RBFOX1: variants seen among roughly 807,000 people sequenced by gnomAD.
RBFOX1 encodes RNA binding protein fox-1 homolog 1.
In RBFOX1, 8 loss-of-function variants were observed where a neutral mutation model predicts 57.7. The ratio of observed to expected loss-of-function variants is 0.14; its 90% CI spans 0.08 to 0.25. The LOEUF (loss-of-function observed/expected upper bound fraction) is 0.25. Ranked by LOEUF, RBFOX1 falls within the 10% of genes least tolerant of loss-of-function variation. RBFOX1 has a pLI of 1.00. For synonymous variants in RBFOX1, 326 were observed against 222.4 expected (o/e 1.47, Z -4.15); for missense variants, 611 against 548.5 (o/e 1.11, Z -1.14).
chr16:7,464,774 T>G (rs1351042560), intron 4 of RBFOX1, among the ~76,000 whole-genome samples: 1 of 134,112 alleles, frequency 7.5e-6, no homozygotes, highest in Admixed American at 8.9e-5. Context: ...TCGGCTCACT[T>G]CAAGCTCCGC....
At chr16:6,298,006 G>C (rs2078338884) in intron 1 of RBFOX1, among the ~76,000 whole-genome samples, 1 of 152,176 alleles carries the variant, frequency 6.6e-6, no homozygotes. Context: ...GAAGAGCTCA[G>C]GATGCAGAAA....
At chr16:5,374,264 C>T (rs1408500287) in intron 1 of RBFOX1, among the ~76,000 whole-genome samples, 1 of 152,130 alleles carries the variant, frequency 6.6e-6, no homozygotes, top group African/African-American at 2.4e-5. Context: ...TTATTTATAG[C>T]AATGCAAGAA....
chr16:5,802,835 C>A lies in RBFOX1; in HGVS notation c.319-64468C>A, dbSNP rs181332584. On this transcript the variant is annotated intron_variant, in intron 3 of 19. Coordinates refer to the RBFOX1 transcript ENST00000641259. The stretch of plus-strand genomic sequence containing the variant: ...TATACACATATGAATGTATGAATCT[C>A]GCCCCCATCTGTCCACCTATCCAAC... Among the ~76,000 whole-genome samples the A allele has an allele frequency of 1.3e-3, 202 of 152,268 alleles. 2 individuals carry two copies. The highest frequency in any genetic ancestry group is 8.9e-3 in the South Asian group (43 of 4,814).
intron 2 of RBFOX1, among the ~76,000 whole-genome samples, chr16:6,511,233 G>A (rs949084115): frequency 1.3e-5 from 2 of 152,202 alleles, no homozygotes; most frequent in African/African-American, 4.8e-5. Context: ...ATACTCAGAT[G>A]TGTTGGTGCC....
intron 4 of RBFOX1, among the ~76,000 whole-genome samples, chr16:5,921,482 G>A (rs926176010): frequency 1.3e-5 from 2 of 152,190 alleles, no homozygotes; most frequent in African/African-American, 4.8e-5. Flanking sequence ...TGACTTGACT[G>A]AGAAGGACCG....
At chr16:7,467,465 C>T (rs2060740185) in intron 4 of RBFOX1, among the ~76,000 whole-genome samples, 1 of 152,008 alleles carries the variant, frequency 6.6e-6, no homozygotes, top group African/African-American at 2.4e-5. Flanking sequence ...CCCCAAATGC[C>T]CAGAGAGAAC....
At chr16:6,846,992 T>A (rs2093792408) in intron 3 of RBFOX1, among the ~76,000 whole-genome samples, 1 of 152,078 alleles carries the variant, frequency 6.6e-6, no homozygotes, top group Non-Finnish European at 1.5e-5. Context: ...TCTTTCTGTG[T>A]TCTTGTTGGG....
intron 4 of RBFOX1, among the ~76,000 whole-genome samples, chr16:7,111,591 A>G (rs949095688): frequency 2.0e-5 from 3 of 152,176 alleles, no homozygotes; most frequent in African/African-American, 7.2e-5. Context: ...TAAACCAGAT[A>G]AAGCAGTGTC....
chr16:6,210,359 A>AC (rs1772349299), intron 1 of RBFOX1, among the ~76,000 whole-genome samples: 2 of 24,222 alleles, frequency 8.3e-5, no homozygotes, highest in Admixed American at 5.2e-4. Context: ...AAAAAAAAAC[A>AC]CCAAAAAAAA....
intron 4 of RBFOX1, among the ~76,000 whole-genome samples, chr16:5,944,789 C>T (rs141221437): frequency 0.1 from 2,542 of 24,682 alleles, 186 homozygotes; most frequent in East Asian, 0.32. Context: ...CCTGTCTCTG[C>T]TAAAAAAAAA....
intron 3 of RBFOX1, among the ~76,000 whole-genome samples, chr16:6,889,927 C>G (rs2065021977): frequency 6.6e-6 from 1 of 152,184 alleles, no homozygotes; most frequent in Non-Finnish European, 1.5e-5. Context: ...CAAAATTTCT[C>G]ATAGCCACGT....
chr16:6,564,672 AAC>A (rs2097233475), intron 2 of RBFOX1, among the ~76,000 whole-genome samples: 1 of 152,114 alleles, frequency 6.6e-6, no homozygotes, highest in East Asian at 1.9e-4. Context: ...TGTTGGTCAA[AAC>A]ACACAAATTT....
chr16:7,260,834 C>T (rs1238140962), intron 4 of RBFOX1, among the ~76,000 whole-genome samples: 1 of 152,092 alleles, frequency 6.6e-6, no homozygotes, highest in Non-Finnish European at 1.5e-5. Context: ...TTCTATGAAC[C>T]CCAGGTGCAA....
intron 4 of RBFOX1, among the ~76,000 whole-genome samples, chr16:7,401,041 C>T (rs1215604196): frequency 6.6e-6 from 1 of 152,194 alleles, no homozygotes; most frequent in African/African-American, 2.4e-5. Flanking sequence ...CCCGATGCAG[C>T]TGATTCGAGA....
At chr16:6,730,605 G>T (rs1376209150) in intron 3 of RBFOX1, among the ~76,000 whole-genome samples, 1 of 152,192 alleles carries the variant, frequency 6.6e-6, no homozygotes, top group African/African-American at 2.4e-5. Flanking sequence ...ATTCAGAGAT[G>T]ATAGTGATAT....
At chr16:5,956,678 A>ATATATTTTT (rs368096576) in intron 4 of RBFOX1, among the ~76,000 whole-genome samples, 16 of 116,506 alleles carry the variant, frequency 1.4e-4, no homozygotes, top group African/African-American at 3.5e-4. Context: ...ATATATATAT[A>ATATATTTTT]TTTTTTTTGA....
intron 2 of RBFOX1, chr16:6,483,074 A>G (rs555610345): frequency 1.1e-6 from 1 of 940,884 alleles, no homozygotes; most frequent in Non-Finnish European, 1.3e-6. Context: ...GGAGCTTTGC[A>G]AGTGCCTCCG....
At chr16:6,724,070 C>A (rs111898641) in intron 3 of RBFOX1, among the ~76,000 whole-genome samples, 6 of 152,052 alleles carry the variant, frequency 3.9e-5, no homozygotes, top group African/African-American at 1.4e-4. Flanking sequence ...ATATTTATAC[C>A]CCGGGTGATA....
At chr16:5,281,624 A>G (rs1343256793) in intron 1 of RBFOX1, among the ~76,000 whole-genome samples, 1 of 152,190 alleles carries the variant, frequency 6.6e-6, no homozygotes, top group African/African-American at 2.4e-5. Context: ...GGTTGCATGC[A>G]TATTTAGAAT....
Sources: gnomAD v4.1 joint callset for allele counts (sites outside exome capture counted in the v4.1 genomes callset) on GRCh38, gnomAD v4.1.1 for gene constraint, MANE v1.5 for transcripts, NCBI Gene and HGNC (gene_info 2026-07-23, HGNC 2026-07-21) for gene names.